The following MAN2B1 variants were observed in gnomAD, a reference collection of about 807,000 sequenced individuals.
MAN2B1 encodes the protein mannosidase alpha class 2B member 1.
Under a neutral mutation model 127.5 loss-of-function variants are expected in MAN2B1, and 99 were observed. The observed-to-expected ratio is 0.78, with a 90% CI of 0.66 to 0.92. MAN2B1 has a LOEUF of 0.92. Among genes scored for constraint, MAN2B1 ranks in the 40% least tolerant of loss-of-function variants. The pLI is 0.00. For synonymous variants in MAN2B1, 573 were observed against 568.8 expected (o/e 1.01, Z -0.11); for missense variants, 1,304 against 1,384.8 (o/e 0.94, Z 0.93).
At chr19:12,658,397 C>G in intron 8 of MAN2B1, 31 bp downstream of exon 8, 2 of 1,614,068 alleles carry the variant, frequency 1.2e-6, no homozygotes, top group Non-Finnish European at 1.7e-6. Flanking sequence ...GGCATGCCAA[C>G]CCCCCCAAGC....
rs749548971 is a variant in MAN2B1, at chr19:12,646,630, A to AC, written c.3025dup (p.Val1009GlyfsTer?). 1 of 1,612,036 alleles carries AC rather than the reference A, an allele frequency of 6.2e-7. No homozygotes were observed. Among genetic ancestry groups the AC allele is most frequent in the South Asian group, 1.1e-5 (1 of 91,014 alleles). On this transcript the variant is annotated frameshift_variant, in exon 24 of 24. Coordinates refer to ENST00000456935, the MANE Select transcript of MAN2B1 (RefSeq NM_000528.4). LOFTEE classifies it high-confidence loss of function. ...CCCATCCCAGCAGACCTAACCATCC[A>AC]CCTCCTTCCATTGAACTGAGGCCAG... is the stretch of plus-strand genomic sequence containing the variant.
intron 14 of MAN2B1, among the ~76,000 whole-genome samples, chr19:12,653,908 G>A (rs1049611548): frequency 6.6e-6 from 1 of 151,772 alleles, no homozygotes; most frequent in African/African-American, 2.4e-5. Flanking sequence ...TGGTACAGAC[G>A]AGGTTTCACT....
In MAN2B1 at chr19:12,655,732, T is replaced by G. The variant is rs1214640045; in HGVS notation, c.1792A>C (p.Arg598=). Residue 598 remains arginine (R), a synonymous_variant, in exon 14 of 24, where the codon AGA becomes CGA. Coordinates refer to ENST00000456935, the MANE Select transcript of MAN2B1 (RefSeq NM_000528.4). ...GTTAAAGCAGGGGACCAGGATCTTC[T>G]GGGGATGGGCTGTGGTGCGCGGGCC... ...PQARAPQPIP[R]RSWSPALTIE... 6.2e-7 allele frequency: 1 copy of G among 1,609,268 alleles called. No individual in the cohort carries two copies. The highest frequency in any genetic ancestry group is 1.3e-5 in the African/African-American group (1 of 74,930).
At chr19:12,652,825 C>T (rs2023871695) in intron 14 of MAN2B1, among the ~76,000 whole-genome samples, 1 of 132,740 alleles carries the variant, frequency 7.5e-6, no homozygotes, top group Middle Eastern at 3.4e-3. Context: ...AGCCACTGTG[C>T]CCAGCCGGAT....
chr19:12,664,182 C>T (rs138625460), intron 4 of MAN2B1, among the ~76,000 whole-genome samples: 136 of 152,278 alleles, frequency 8.9e-4, no homozygotes, highest in African/African-American at 3.1e-3. Context: ...GTTAGGATTG[C>T]ACCACTGCAC....
intron 7 of MAN2B1, 102 bp from the exon 8 acceptor site, chr19:12,658,612 T>C: frequency 9.6e-7 from 1 of 1,046,602 alleles, no homozygotes. Flanking sequence ...ATAGGTTCAG[T>C]TTCTCTAAAT....
intron 10 of MAN2B1, 107 bp from the exon 11 acceptor site, chr19:12,657,662 A>T (rs2024001281): frequency 2.0e-6 from 2 of 1,012,680 alleles, no homozygotes; most frequent in Admixed American, 2.0e-5. Context: ...AGGCTTTAAG[A>T]AGGAACTCGA....
rs1480558165 is a variant in MAN2B1, at chr19:12,647,209, C to T, written c.2923+24G>A. 2.5e-6 allele frequency: 4 copies of T among 1,596,980 alleles called. No individual in the cohort carries two copies. In the East Asian group the frequency reaches 6.7e-5, roughly 27 times the overall value. On this transcript the variant is annotated intron_variant, in intron 23 of 23. Transcript: ENST00000456935. The surrounding 1 kb of genome is among the most constrained non-coding windows in gnomAD (Gnocchi z 4.9). ...GGCCCCAGGTAAGACTCCACCCCTT[C>T]CCTACCCCTGACCAGGGCCCCACCT...
At chr19:12,649,812 C>G in intron 18 of MAN2B1, 101 bp downstream of exon 18, 1 of 1,039,770 alleles carries the variant, frequency 9.6e-7, no homozygotes, top group South Asian at 1.3e-5. Context: ...CTCCCTTCGT[C>G]CTCTGTCTCC....
At chr19:12,656,257 G>C (rs905259853) in intron 13 of MAN2B1, 2 of 457,064 alleles carry the variant, frequency 4.4e-6, no homozygotes, top group Non-Finnish European at 7.9e-6. Context: ...GACCAGCCAG[G>C]CACGGTGGCT....
rs2023789496 is a variant in MAN2B1, at chr19:12,649,535, GCA to G, written c.2268-109_2268-108del. The G allele has an allele frequency of 1.0e-5, 7 of 685,116 alleles. No homozygotes were observed. In the South Asian group the frequency reaches 1.1e-4, roughly 11 times the overall value. The allele number at this position is 685,116 out of a possible 1,614,324, so 42.4% of individuals were successfully genotyped here. On this transcript the variant is annotated intron_variant, in intron 18 of 23. Coordinates refer to ENST00000456935, the MANE Select transcript of MAN2B1 (RefSeq NM_000528.4). ...CTCGCTCTGTCACCCAGGCTGGAGTGCAGTGGCGCGATCTCGGCTCACTGCAA... is the reference window on the plus strand; with the variant it reads ...CTCGCTCTGTCACCCAGGCTGGAGTGGTGGCGCGATCTCGGCTCACTGCAA...
intron 6 of MAN2B1, 57 bp from the exon 7 acceptor site, chr19:12,661,433 G>T: frequency 8.5e-7 from 1 of 1,172,182 alleles, no homozygotes; most frequent in Non-Finnish European, 1.3e-6. Flanking sequence ...CCTGTGTATA[G>T]CTGTGTTTTG....
In MAN2B1 at chr19:12,666,673, A is replaced by G. The variant is rs1169325876; in HGVS notation, c.29T>C (p.Val10Ala). 6.4e-7 allele frequency: 1 copy of G among 1,551,320 alleles called. No individual in the cohort carries two copies. Among genetic ancestry groups the G allele is most frequent in the East Asian group, 2.4e-5 (1 of 41,118 alleles). ...TGAGTCCAGGCAGCCGCGAGCGCAGACCCCCGAAGCCCGCGCGTAGGCGCC... is the reference window on the plus strand; with the variant it reads ...TGAGTCCAGGCAGCCGCGAGCGCAGGCCCCCGAAGCCCGCGCGTAGGCGCC... MGAYARASGVCARGCLDSAG... is the reference protein window; with the variant it reads MGAYARASGACARGCLDSAG... Residue 10 changes from valine to alanine, a missense_variant, in exon 1 of 24, where the codon GTC (valine) becomes GCC (alanine). Val to Ala is a moderately conservative substitution (Grantham distance 64). Coordinates refer to ENST00000456935, the MANE Select transcript of MAN2B1 (RefSeq NM_000528.4).
rs1463229385 is a variant in MAN2B1 at position 12,664,787 on chromosome 19, C to A, written c.630+5G>T. On this transcript the variant is annotated splice_donor_5th_base_variant and intron_variant, in intron 4 of 23. Coordinates refer to ENST00000456935, the MANE Select transcript of MAN2B1 (RefSeq NM_000528.4). ...AGTGGGCCCAAGAGAGGTCCCGGGT[C>A]GCACCTGCGCAAACAGCGAGGCCTG... 1 of 1,611,538 alleles carries A rather than the reference C, an allele frequency of 6.2e-7. No homozygotes were observed. Among genetic ancestry groups the A allele is most frequent in the Non-Finnish European group, 8.5e-7 (1 of 1,179,178 alleles).
intron 6 of MAN2B1, among the ~76,000 whole-genome samples, chr19:12,661,844 C>G (rs921164346): frequency 1.3e-5 from 2 of 150,528 alleles, no homozygotes; most frequent in African/African-American, 4.9e-5. Flanking sequence ...AAAAATTAAT[C>G]TAAAACAATT....
At chr19:12,661,738 A>G (rs1246687790) in intron 6 of MAN2B1, among the ~76,000 whole-genome samples, 1 of 151,992 alleles carries the variant, frequency 6.6e-6, no homozygotes, top group Non-Finnish European at 1.5e-5. Context: ...CTGTAATCCC[A>G]GCTACTCAGG....
intron 14 of MAN2B1, among the ~76,000 whole-genome samples, chr19:12,654,337 C>T (rs1300978564): frequency 1.3e-5 from 2 of 152,230 alleles, no homozygotes; most frequent in Admixed American, 1.3e-4. Flanking sequence ...CCACCGCGCC[C>T]GGCCCCCCCA....
Position 12,647,023 on chromosome 19 carries a change from G to A in MAN2B1, c.2923+210C>T. 1.6e-6 allele frequency: 1 copy of A among 613,016 alleles called. No individual in the cohort carries two copies. The highest frequency in any genetic ancestry group is 1.9e-5 in the South Asian group (1 of 51,436). The allele number at this position is 613,016 out of a possible 1,614,324, so 38.0% of individuals were successfully genotyped here. ...GGGGATTTTCAAATCTTGTTCTTGG[G>A]ACTAAACAGCACCCACAAACCTCAA... On this transcript the variant is annotated intron_variant, in intron 23 of 23. Transcript: ENST00000456935. The surrounding 1 kb of genome is among the most constrained non-coding windows in gnomAD (Gnocchi z 4.9).
At chr19:12,648,907 A>G (rs13346580) in intron 20 of MAN2B1, among the ~76,000 whole-genome samples, 128 of 152,324 alleles carry the variant, frequency 8.4e-4, no homozygotes, top group African/African-American at 3.1e-3. Flanking sequence ...AGGCAGGACA[A>G]TCACTTGAAC....
Sources: gnomAD v4.1 joint callset for allele counts (sites outside exome capture counted in the v4.1 genomes callset) on GRCh38, gnomAD v4.1.1 for gene constraint, Gnocchi (gnomAD v3.1) non-coding constraint, MANE v1.5 for transcripts, NCBI Gene and HGNC (gene_info 2026-07-23, HGNC 2026-07-21) for gene names.